The following ANKH variants were observed in gnomAD, a reference collection of about 807,000 sequenced individuals.
ANKH encodes ANKH inorganic pyrophosphate transport regulator.
A neutral mutation model predicts 49.0 loss-of-function variants in ANKH; 15 were observed. That is an observed-to-expected ratio of 0.31 (90% CI 0.20 to 0.47). ANKH has a LOEUF of 0.47. ANKH is among the 20% of genes least tolerant of loss of function. The pLI is 1.00. For missense variants in ANKH, 429 were observed against 652.0 expected (o/e 0.66, Z 3.72); for synonymous variants, 273 against 260.0 (o/e 1.05, Z -0.48).
intron 8 of ANKH, 173 bp from the exon 9 acceptor site, chr5:14,717,008 C>T (rs1737492819): frequency 1.4e-6 from 1 of 736,592 alleles, no homozygotes; most frequent in African/African-American, 1.7e-5. Flanking sequence ...TCTCTTCTGA[C>T]CACAGAGGCC....
intron 1 of ANKH, among the ~76,000 whole-genome samples, chr5:14,792,505 G>A (rs996108454): frequency 9.2e-5 from 14 of 152,104 alleles, no homozygotes; most frequent in African/African-American, 3.4e-4. Flanking sequence ...CTCCCCAGGT[G>A]AATCTCCCTC....
chr5:14,716,891 GAGC>G (rs1194668748), intron 8 of ANKH, 56 bp from the exon 9 acceptor site: 1 of 1,601,972 alleles, frequency 6.2e-7, no homozygotes, highest in Admixed American at 1.7e-5. Flanking sequence ...CAGGTGAAAT[GAGC>G]AGATCAGGTG....
chr5:14,716,581 A>G (rs1354893600), intron 9 of ANKH, 125 bp downstream of exon 9: 16 of 1,324,834 alleles, frequency 1.2e-5, no homozygotes, highest in African/African-American at 2.9e-5. Context: ...ATGTTTTTGC[A>G]TCTTTCTAAG....
chr5:14,720,468 A>G (rs181499424), intron 8 of ANKH, among the ~76,000 whole-genome samples: 58 of 152,268 alleles, frequency 3.8e-4, no homozygotes, highest in African/African-American at 1.4e-3. Flanking sequence ...TTACAATTCA[A>G]AACAACACTC....
chr5:14,814,514 T>C (rs1740975603), intron 1 of ANKH, among the ~76,000 whole-genome samples: 1 of 152,034 alleles, frequency 6.6e-6, no homozygotes, highest in African/African-American at 2.4e-5. Context: ...GCTGAGGTGG[T>C]AGGATGGCTT....
At chr5:14,792,953 G>A (rs1309008026) in intron 1 of ANKH, among the ~76,000 whole-genome samples, 1 of 121,088 alleles carries the variant, frequency 8.3e-6, no homozygotes, top group South Asian at 2.7e-4. Context: ...CTCCAGCCTG[G>A]GCAACAAGAG....
At chr5:14,842,750 T>C (rs1421717028) in intron 1 of ANKH, among the ~76,000 whole-genome samples, 7 of 152,298 alleles carry the variant, frequency 4.6e-5, no homozygotes. Flanking sequence ...AGCCCAAGTA[T>C]GAACGACACA....
chr5:14,859,277 T>C (rs1735406056), intron 1 of ANKH, among the ~76,000 whole-genome samples: 1 of 152,260 alleles, frequency 6.6e-6, no homozygotes, highest in Admixed American at 6.5e-5. Flanking sequence ...GACAGTTGTC[T>C]TTTTGTGTCT....
At chr5:14,777,489 C>G (rs563732520) in intron 1 of ANKH, among the ~76,000 whole-genome samples, 60 of 152,208 alleles carry the variant, frequency 3.9e-4, no homozygotes, top group African/African-American at 1.4e-3. Flanking sequence ...TTTACCAAAT[C>G]CCACAGACAT....
chr5:14,816,676 T>C (rs1040967443), intron 1 of ANKH, among the ~76,000 whole-genome samples: 3 of 152,196 alleles, frequency 2.0e-5, no homozygotes, highest in South Asian at 2.1e-4. Flanking sequence ...TCTTGGAATG[T>C]TCATGTCAAG....
At chr5:14,792,975 C>CAT (rs1162757952) in intron 1 of ANKH, among the ~76,000 whole-genome samples, 24 of 102,750 alleles carry the variant, frequency 2.3e-4, no homozygotes, top group Admixed American at 7.7e-4. Context: ...GAAACTCCAT[C>CAT]ATATATATAT....
intron 1 of ANKH, among the ~76,000 whole-genome samples, chr5:14,784,044 A>G (rs1010985527): frequency 3.3e-5 from 5 of 152,278 alleles, no homozygotes; most frequent in South Asian, 2.1e-4. Flanking sequence ...TAGAGGCTGC[A>G]GCATCAGAAG....
chr5:14,822,533 C>A (rs1741225577), intron 1 of ANKH, among the ~76,000 whole-genome samples: 1 of 152,150 alleles, frequency 6.6e-6, no homozygotes, highest in African/African-American at 2.4e-5. Context: ...AATAAGGATT[C>A]AATTCTGTTA....
intron 1 of ANKH, among the ~76,000 whole-genome samples, chr5:14,831,586 T>C (rs1159291706): frequency 6.6e-6 from 1 of 152,116 alleles, no homozygotes; most frequent in Non-Finnish European, 1.5e-5. Flanking sequence ...AAGGGATCCA[T>C]GGTCAAATGC....
chr5:14,741,466 G>C, intron 8 of ANKH: 1 of 260,554 alleles, frequency 3.8e-6, no homozygotes, highest in South Asian at 4.0e-5. Context: ...CTGAAGTAAC[G>C]CGGATTAAAT....
At chr5:14,845,335 G>A (rs1017598034) in intron 1 of ANKH, among the ~76,000 whole-genome samples, 4 of 145,500 alleles carry the variant, frequency 2.7e-5, no homozygotes, top group East Asian at 4.0e-4. Flanking sequence ...AAGAAACCCT[G>A]CTAGTTTCAT....
At chr5:14,732,337 C>A (rs1392685561) in intron 8 of ANKH, among the ~76,000 whole-genome samples, 1 of 151,980 alleles carries the variant, frequency 6.6e-6, no homozygotes, top group Admixed American at 6.6e-5. Context: ...AAAAATGGTT[C>A]ATACAGGGGT....
At chr5:14,839,163 G>A (rs1741746035) in intron 1 of ANKH, among the ~76,000 whole-genome samples, 1 of 152,080 alleles carries the variant, frequency 6.6e-6, no homozygotes. Flanking sequence ...AGGTAGTGAT[G>A]TATGTATGCA....
At chr5:14,715,400 G>A (rs1737410903) in intron 9 of ANKH, among the ~76,000 whole-genome samples, 1 of 152,126 alleles carries the variant, frequency 6.6e-6, no homozygotes, top group South Asian at 2.1e-4. Context: ...CAAAGTGCTG[G>A]AATTACAGGC....
Sources: gnomAD v4.1 joint callset for allele counts (sites outside exome capture counted in the v4.1 genomes callset) on GRCh38, gnomAD v4.1.1 for gene constraint, MANE v1.5 for transcripts, NCBI Gene and HGNC (gene_info 2026-07-23, HGNC 2026-07-21) for gene names.